CFAP95: variants seen among roughly 807,000 people sequenced by gnomAD.
CFAP95 encodes the protein cilia and flagella associated protein 95, also known as cilia- and flagella-associated protein 95.
At chr9:69,821,173 G>T in the CFAP95 span, 334 of 901,202 alleles carry the variant, frequency 3.7e-4, 1 homozygote, top group Non-Finnish European at 5.1e-4. Context: ...AATGAGAAAA[G>T]TGGGGGAGAA....
the CFAP95 span, among the ~76,000 whole-genome samples, chr9:69,843,537 C>T: frequency 6.8e-4 from 20 of 29,280 alleles, 3 homozygotes; most frequent in African/African-American, 2.4e-3. Flanking sequence ...CCTCCTCCTC[C>T]TCCTCCTCCT....
At chr9:69,835,563 C>T in the CFAP95 span, among the ~76,000 whole-genome samples, 6,279 of 152,302 alleles carry the variant, frequency 0.041, 428 homozygotes, top group African/African-American at 0.14. Context: ...TTTTTATGGA[C>T]ACGTTTGAAA....
the CFAP95 span, among the ~76,000 whole-genome samples, chr9:69,872,137 G>C: frequency 6.6e-6 from 1 of 152,188 alleles, no homozygotes; most frequent in Non-Finnish European, 1.5e-5. Flanking sequence ...TGGTCTGTCT[G>C]ACTGCAGAGC....
the CFAP95 span, among the ~76,000 whole-genome samples, chr9:69,899,581 A>G: frequency 6.6e-6 from 1 of 152,232 alleles, no homozygotes; most frequent in African/African-American, 2.4e-5. Flanking sequence ...AAGCCTGCTC[A>G]CAATGTTGGT....
the CFAP95 span, among the ~76,000 whole-genome samples, chr9:69,843,637 C>T: frequency 1.6e-5 from 2 of 122,792 alleles, no homozygotes; most frequent in Non-Finnish European, 3.3e-5. Flanking sequence ...CTTCCTCCTC[C>T]TCCTCCTTCT....
chr9:69,821,100 G>A, the CFAP95 span: 1 of 1,564,072 alleles, frequency 6.4e-7, no homozygotes, highest in Non-Finnish European at 8.7e-7. Context: ...GATGGAACAG[G>A]AAAGGAAAGG....
chr9:69,859,515 C>T, the CFAP95 span, among the ~76,000 whole-genome samples: 8 of 152,212 alleles, frequency 5.3e-5, no homozygotes, highest in African/African-American at 1.2e-4. Context: ...CCATCTTCCA[C>T]GCTAGAGACA....
At chr9:69,826,773 G>C in the CFAP95 span, among the ~76,000 whole-genome samples, 3 of 152,194 alleles carry the variant, frequency 2.0e-5, no homozygotes, top group Non-Finnish European at 4.4e-5. Flanking sequence ...CAAGCCTCAG[G>C]ATAAGGGATA....
the CFAP95 span, among the ~76,000 whole-genome samples, chr9:69,836,329 A>G: frequency 6.6e-6 from 1 of 151,830 alleles, no homozygotes; most frequent in Non-Finnish European, 1.5e-5. Flanking sequence ...TGGGCAAGAT[A>G]CTTCTCTGTG....
chr9:69,868,111 A>G, the CFAP95 span, among the ~76,000 whole-genome samples: 1 of 152,280 alleles, frequency 6.6e-6, no homozygotes, highest in Admixed American at 6.5e-5. Flanking sequence ...TCGATCAGAG[A>G]TGCAAGCAGT....
chr9:69,837,265 C>T, the CFAP95 span, among the ~76,000 whole-genome samples: 1 of 152,158 alleles, frequency 6.6e-6, no homozygotes, highest in African/African-American at 2.4e-5. Flanking sequence ...ATGGCTGGGT[C>T]AAATGGTATT....
At chr9:69,837,887 C>T in the CFAP95 span, among the ~76,000 whole-genome samples, 1 of 152,160 alleles carries the variant, frequency 6.6e-6, no homozygotes, top group Non-Finnish European at 1.5e-5. Flanking sequence ...AGTCTTTAAT[C>T]CATCTTGAAT....
chr9:69,901,170 C>T, the CFAP95 span, among the ~76,000 whole-genome samples: 1 of 149,564 alleles, frequency 6.7e-6, no homozygotes, highest in Admixed American at 6.6e-5. Flanking sequence ...TGGAGTCTTG[C>T]TCTGTCGCCC....
the CFAP95 span, among the ~76,000 whole-genome samples, chr9:69,836,057 T>G: frequency 6.0e-4 from 91 of 152,350 alleles, no homozygotes; most frequent in Middle Eastern, 3.4e-3. Flanking sequence ...GTTTTTCAGA[T>G]AGCTAAATCT....
chr9:69,828,923 G>C, the CFAP95 span, among the ~76,000 whole-genome samples: 1 of 152,036 alleles, frequency 6.6e-6, no homozygotes, highest in Non-Finnish European at 1.5e-5. Flanking sequence ...GCTTTTCCCT[G>C]GATGCAAGCA....
At chr9:69,873,310 A>C in the CFAP95 span, among the ~76,000 whole-genome samples, 1 of 152,200 alleles carries the variant, frequency 6.6e-6, no homozygotes, top group Non-Finnish European at 1.5e-5. Context: ...AAGATAAAAA[A>C]ATAAGCCTGG....
chr9:69,849,610 G>A, the CFAP95 span, among the ~76,000 whole-genome samples: 1 of 152,196 alleles, frequency 6.6e-6, no homozygotes, highest in Non-Finnish European at 1.5e-5. Context: ...GCTGTGAGGT[G>A]TACCTGAACT....
chr9:69,867,612 A>T, the CFAP95 span, among the ~76,000 whole-genome samples: 1 of 152,192 alleles, frequency 6.6e-6, no homozygotes, highest in African/African-American at 2.4e-5. Context: ...GGCTGGCCTT[A>T]TGACTGGTTT....
the CFAP95 span, among the ~76,000 whole-genome samples, chr9:69,896,025 A>G: frequency 1.9e-4 from 29 of 152,328 alleles, no homozygotes; most frequent in African/African-American, 6.5e-4. Flanking sequence ...ACTTGGAATT[A>G]TGAGATATTT....
Sources: gnomAD v4.1 joint callset for allele counts (sites outside exome capture counted in the v4.1 genomes callset) on GRCh38, gnomAD v4.1.1 for gene constraint, MANE v1.5 for transcripts, NCBI Gene and HGNC (gene_info 2026-07-23, HGNC 2026-07-21) for gene names.